Variants in JMY observed in about 807,000 individuals in gnomAD.
JMY encodes the protein junction mediating and regulatory protein, p53 cofactor, also known as junction-mediating and -regulatory protein.
JMY carries 46 observed loss-of-function variants against 103.3 expected under a neutral mutation model. The ratio of observed to expected loss-of-function variants is 0.45; its 90% CI spans 0.35 to 0.57. The LOEUF is 0.57. JMY is among the 20% of genes least tolerant of loss of function. JMY has a pLI of 0.00. For synonymous variants in JMY, 526 were observed against 489.3 expected, an observed-to-expected ratio of 1.07 and a Z score of -0.99; for missense variants, 1,238 against 1,255.2, an observed-to-expected ratio of 0.99 and a Z score of 0.21.
chr5:79,259,596 A>G (rs1036906275), intron 1 of JMY, among the ~76,000 whole-genome samples: 1 of 152,216 alleles, frequency 6.6e-6, no homozygotes, highest in Admixed American at 6.5e-5. Context: ...AGCTGCCCTC[A>G]GCACCCCCTT....
At chr5:79,267,058 TAGTACAG>T (rs755299763) in intron 1 of JMY, among the ~76,000 whole-genome samples, 23 of 152,220 alleles carry the variant, frequency 1.5e-4, no homozygotes, top group Non-Finnish European at 2.8e-4. Context: ...ATTGAGCAGA[TAGTACAG>T]AGATTCCATA....
At chr5:79,262,013 A>G (rs1426838438) in intron 1 of JMY, among the ~76,000 whole-genome samples, 1 of 152,240 alleles carries the variant, frequency 6.6e-6, no homozygotes, top group African/African-American at 2.4e-5. Flanking sequence ...AGCAGAAATT[A>G]TCAAAGCTTT....
At chr5:79,244,678 C>T (rs1232814503) in intron 1 of JMY, among the ~76,000 whole-genome samples, 8 of 146,708 alleles carry the variant, frequency 5.5e-5, no homozygotes, top group African/African-American at 1.5e-4. Context: ...TTTTTGGTAA[C>T]GAGAAGTTTC....
chr5:79,266,193 T>C (rs1745583872), intron 1 of JMY, among the ~76,000 whole-genome samples: 1 of 152,220 alleles, frequency 6.6e-6, no homozygotes. Flanking sequence ...CGTTCAGTTT[T>C]AAATTTGTTT....
intron 2 of JMY, among the ~76,000 whole-genome samples, chr5:79,288,631 G>C (rs1268401877): frequency 2.6e-5 from 4 of 151,448 alleles, no homozygotes; most frequent in African/African-American, 9.7e-5. Flanking sequence ...TTCTACACCT[G>C]ATGCTCCCCT....
intron 1 of JMY, among the ~76,000 whole-genome samples, chr5:79,261,844 C>T (rs1215944719): frequency 6.6e-6 from 1 of 152,044 alleles, no homozygotes; most frequent in African/African-American, 2.4e-5. Flanking sequence ...AAGCTGCTGT[C>T]AAACTCCTGG....
chr5:79,271,924 A>T (rs1745796233), intron 1 of JMY, among the ~76,000 whole-genome samples: 1 of 152,084 alleles, frequency 6.6e-6, no homozygotes, highest in South Asian at 2.1e-4. Flanking sequence ...TCCAGGGGGC[A>T]ACATGGTGAA....
rs181280438 is a variant in JMY at position 79,305,679 on chromosome 5, C to T, written c.1882-696C>T. ...TTATATGGTGATTGGAAAATATATG[C>T]TTTTTTTTCATAGTTTCTAAATAAT... On this transcript the variant is annotated intron_variant, in intron 6 of 10. Coordinates refer to ENST00000396137, the MANE Select transcript of JMY (RefSeq NM_152405.5). 4.6e-3 allele frequency among the ~76,000 whole-genome samples: 701 copies of T among 151,802 alleles called. 5 individuals carry two copies. Among genetic ancestry groups the T allele is most frequent in the African/African-American group, 0.016 (672 of 41,372 alleles).
chr5:79,320,879 A>G (rs1747428401), intron 10 of JMY, among the ~76,000 whole-genome samples: 1 of 152,252 alleles, frequency 6.6e-6, no homozygotes, highest in Non-Finnish European at 1.5e-5. Flanking sequence ...TACTAGTAGC[A>G]CATCTCAGTT....
Position 79,321,667 on chromosome 5 carries a change from T to C in JMY, c.*65T>C, listed in dbSNP as rs1157674329. On this transcript the variant is annotated 3_prime_UTR_variant, in exon 11 of 11. Coordinates refer to ENST00000396137, the MANE Select transcript of JMY (RefSeq NM_152405.5). ...TTCTGATTCTTTTGGAAAATGACAGTTTAAGCACTTGGTTCCTCAGTTGGA... is the reference window on the plus strand; with the variant it reads ...TTCTGATTCTTTTGGAAAATGACAGCTTAAGCACTTGGTTCCTCAGTTGGA... 3 of 152,164 alleles carry C rather than the reference T, an allele frequency of 2.0e-5. No individual in the cohort carries two copies. The highest frequency in any genetic ancestry group is 4.4e-5 in the Non-Finnish European group (3 of 68,024). 9.4% of individuals were successfully genotyped at this position (152,164 alleles called of 1,614,324 possible).
At chr5:79,239,829 AAAAG>A (rs1484077183) in intron 1 of JMY, among the ~76,000 whole-genome samples, 9 of 143,984 alleles carry the variant, frequency 6.3e-5, no homozygotes, top group African/African-American at 2.1e-4. Context: ...AAAGAAAAGA[AAAAG>A]AAAAAGAGAA....
chr5:79,307,079 C>T (rs897571694), intron 7 of JMY, among the ~76,000 whole-genome samples: 2 of 152,180 alleles, frequency 1.3e-5, no homozygotes, highest in African/African-American at 4.8e-5. Context: ...GTCTTCATGG[C>T]TTGATAGCTC....
At chr5:79,281,799 C>G (rs1746124431) in intron 2 of JMY, among the ~76,000 whole-genome samples, 2 of 152,114 alleles carry the variant, frequency 1.3e-5, no homozygotes, top group African/African-American at 4.8e-5. Flanking sequence ...GTTGACCACT[C>G]TAAATGGATT....
chr5:79,300,524 G>A, intron 5 of JMY, 152 bp from the exon 6 acceptor site: 1 of 710,666 alleles, frequency 1.4e-6, no homozygotes, highest in Non-Finnish European at 2.3e-6. Flanking sequence ...ACTCTATGAG[G>A]TGTATTAAAT....
chr5:79,236,834 G>C lies in JMY; in HGVS notation c.184G>C (p.Ala62Pro). 6 of 1,461,354 alleles carry C rather than the reference G, an allele frequency of 4.1e-6. No homozygotes were observed. In the South Asian group the frequency reaches 7.0e-5, roughly 17 times the overall value. The allele number at this position is 1,461,354 out of a possible 1,614,324, so 90.5% of individuals were successfully genotyped here. A position where few individuals can be genotyped will look rare whatever the true frequency, so the allele number is the denominator to read the frequency against. Reference protein sequence around the residue: ...QRQRSGSREQAGARGGAEAGG... With the variant: ...QRQRSGSREQPGARGGAEAGG... ...GCAGAGGAGCGGCTCCCGGGAGCAAGCGGGGGCGCGAGGGGGCGCCGAGGC... is the reference window on the plus strand; with the variant it reads ...GCAGAGGAGCGGCTCCCGGGAGCAACCGGGGGCGCGAGGGGGCGCCGAGGC... The change falls in exon 1 of 11, where the codon GCG becomes CCG. Residue 62 changes from alanine to proline, a missense_variant. Coordinates refer to ENST00000396137, the MANE Select transcript of JMY (RefSeq NM_152405.5).
intron 7 of JMY, among the ~76,000 whole-genome samples, chr5:79,306,669 A>G (rs1746893230): frequency 2.0e-5 from 3 of 152,138 alleles, no homozygotes; most frequent in African/African-American, 7.2e-5. Flanking sequence ...CCTACCGTCA[A>G]CATCTCCTAT....
chr5:79,243,485 C>T (rs2112043493), intron 1 of JMY, among the ~76,000 whole-genome samples: 1 of 152,256 alleles, frequency 6.6e-6, no homozygotes, highest in African/African-American at 2.4e-5. Flanking sequence ...GCTGCTCTGT[C>T]TGGCAGTTCT....
At chr5:79,260,547 A>T (rs926493618) in intron 1 of JMY, among the ~76,000 whole-genome samples, 2 of 148,530 alleles carry the variant, frequency 1.3e-5, no homozygotes. Context: ...TACCCAGCTG[A>T]TTTTTGTGGG....
intron 6 of JMY, among the ~76,000 whole-genome samples, chr5:79,302,000 T>C (rs1306087387): frequency 6.6e-6 from 1 of 151,154 alleles, no homozygotes; most frequent in Non-Finnish European, 1.5e-5. Flanking sequence ...GGAGAATCGC[T>C]TGAACCCAGA....
Sources: allele counts gnomAD v4.1 joint callset (sites outside exome capture counted in the v4.1 genomes callset), GRCh38; gene constraint gnomAD v4.1.1; transcripts MANE v1.5; gene names NCBI Gene and HGNC (gene_info 2026-07-23, HGNC 2026-07-21).